Variants in EYS observed in about 807,000 individuals in gnomAD.
EYS encodes protein eyes shut homolog.
Under a neutral mutation model 282.1 loss-of-function variants are expected in EYS, and 250 were observed. That is an observed-to-expected ratio of 0.89 (90% CI 0.80 to 0.98). The LOEUF is 0.98. Ranked by LOEUF, EYS falls within the 50% of genes least tolerant of loss-of-function variation. EYS has a pLI of 0.00. For missense variants in EYS, 4,016 were observed against 3,709.0 expected (o/e 1.08, Z -2.15); for synonymous variants, 1,355 against 1,282.9 (o/e 1.06, Z -1.20).
intron 22 of EYS, among the ~76,000 whole-genome samples, chr6:64,761,985 G>A (rs1350054081): frequency 6.6e-6 from 1 of 152,120 alleles, no homozygotes; most frequent in Non-Finnish European, 1.5e-5. Flanking sequence ...GCACAGCAAA[G>A]TGACTATACT....
At chr6:65,447,423 TGA>T (rs1250683294) in intron 5 of EYS, among the ~76,000 whole-genome samples, 4 of 148,546 alleles carry the variant, frequency 2.7e-5, no homozygotes, top group Non-Finnish European at 6.0e-5. Flanking sequence ...TTTACTGTAC[TGA>T]GTCATAAATC....
chr6:64,107,271 GTATATATATATATTTATATATA>G (rs1281004595), intron 31 of EYS, among the ~76,000 whole-genome samples: 95 of 99,964 alleles, frequency 9.5e-4, no homozygotes, highest in South Asian at 5.9e-3. Flanking sequence ...GTGTGTGTGT[GTATATATATATATTTATATATA>G]TATATATATA....
intron 26 of EYS, among the ~76,000 whole-genome samples, chr6:64,498,452 TTATA>T (rs1223212012): frequency 6.6e-6 from 1 of 151,716 alleles, no homozygotes; most frequent in Non-Finnish European, 1.5e-5. Context: ...CTTTTAGCTC[TTATA>T]TACTCATTTT....
chr6:63,721,612 T>C lies in EYS; in HGVS notation c.8419A>G (p.Lys2807Glu). ...LDLDGINVTEKASTKMSSLDT... is the reference protein window; with the variant it reads ...LDLDGINVTEEASTKMSSLDT... ...AGAGAACTCATTTTAGTGGAGGCCT[T>C]TTCTGTTACATTTATCCCATCTAGA... Residue 2807 changes from lysine (K) to glutamate (E), a missense_variant, in exon 43 of 43, where the codon AAG (lysine) becomes GAG (glutamate). Lys to Glu is a moderately conservative substitution (Grantham distance 56, BLOSUM62 1). Transcript: ENST00000503581. The C allele has an allele frequency of 6.4e-7, 1 of 1,551,462 alleles. No homozygotes were observed.
chr6:65,632,434 C>T (rs778686420), intron 2 of EYS, among the ~76,000 whole-genome samples: 1 of 152,086 alleles, frequency 6.6e-6, no homozygotes, highest in East Asian at 1.9e-4. Flanking sequence ...GTAAGAAATC[C>T]GCACTTATAC....
At chr6:64,222,581 T>C (rs1197076021) in intron 31 of EYS, among the ~76,000 whole-genome samples, 1 of 152,072 alleles carries the variant, frequency 6.6e-6, no homozygotes, top group Non-Finnish European at 1.5e-5. Context: ...ACTATTTTAT[T>C]GTAAATAGTA....
chr6:63,826,845 C>CAAAAAAAAAAAAAAAAAAAGAAAAAAAAA (rs1771478105), intron 36 of EYS, among the ~76,000 whole-genome samples: 9 of 76,766 alleles, frequency 1.2e-4, no homozygotes, highest in Non-Finnish European at 1.5e-4. Context: ...AGTTAAAAAG[C>CAAAAAAAAAAAAAAAAAAAGAAAAAAAAA]AAAAAAAAAA....
chr6:65,627,320 T>C (rs1766738934), intron 2 of EYS, among the ~76,000 whole-genome samples: 1 of 152,086 alleles, frequency 6.6e-6, no homozygotes, highest in Non-Finnish European at 1.5e-5. Flanking sequence ...AAAGAGAATT[T>C]GTGATGGTTG....
intron 31 of EYS, among the ~76,000 whole-genome samples, chr6:64,147,024 A>G (rs1774541894): frequency 1.3e-5 from 2 of 152,174 alleles, no homozygotes; most frequent in Admixed American, 1.3e-4. Flanking sequence ...GCCAAAGATC[A>G]TTCACTTTCC....
chr6:64,181,827 G>A (rs555267284), intron 31 of EYS, among the ~76,000 whole-genome samples: 6 of 152,202 alleles, frequency 3.9e-5, no homozygotes, highest in African/African-American at 1.4e-4. Flanking sequence ...AAAATTAGCT[G>A]CTAAATAGGT....
At chr6:63,842,858 T>C (rs961267612) in intron 36 of EYS, among the ~76,000 whole-genome samples, 1 of 152,234 alleles carries the variant, frequency 6.6e-6, no homozygotes, top group African/African-American at 2.4e-5. Context: ...ATTTATTAAA[T>C]AGGGAATTTT....
At chr6:63,747,007 T>C (rs1562006875) in intron 41 of EYS, among the ~76,000 whole-genome samples, 1 of 152,206 alleles carries the variant, frequency 6.6e-6, no homozygotes, top group African/African-American at 2.4e-5. Context: ...CTTCTCCTGT[T>C]CTTTTAATTG....
chr6:65,644,466 A>G (rs1356934680), intron 1 of EYS, among the ~76,000 whole-genome samples: 1 of 152,204 alleles, frequency 6.6e-6, no homozygotes, highest in African/African-American at 2.4e-5. Context: ...GAAGAAGAGA[A>G]ATCAAAAAGT....
intron 26 of EYS, among the ~76,000 whole-genome samples, chr6:64,564,268 CTTTTTTTTT>C (rs4034161): frequency 1.0e-4 from 6 of 59,374 alleles, no homozygotes; most frequent in South Asian, 9.9e-4. Context: ...ATCTTTTGTC[CTTTTTTTTT>C]TTTTTTTTTT....
intron 41 of EYS, among the ~76,000 whole-genome samples, chr6:63,737,769 A>G (rs1768957884): frequency 6.6e-6 from 1 of 152,160 alleles, no homozygotes. Flanking sequence ...TCTGCACAGC[A>G]AAAGAAACTA....
intron 31 of EYS, among the ~76,000 whole-genome samples, chr6:64,178,798 G>A (rs1048697364): frequency 3.9e-5 from 6 of 152,006 alleles, no homozygotes; most frequent in Non-Finnish European, 7.4e-5. Flanking sequence ...TCCTGACACT[G>A]GTAGTTATTT....
chr6:65,636,199 A>G (rs1478167590), intron 2 of EYS, among the ~76,000 whole-genome samples: 1 of 152,242 alleles, frequency 6.6e-6, no homozygotes, highest in Non-Finnish European at 1.5e-5. Flanking sequence ...TCTCTGCGCA[A>G]AATTTTTCAA....
intron 8 of EYS, among the ~76,000 whole-genome samples, chr6:65,368,745 T>C (rs769772493): frequency 1.3e-5 from 2 of 151,738 alleles, no homozygotes; most frequent in Non-Finnish European, 2.9e-5. Context: ...AGTTTGAGGA[T>C]GCTGCTCTCT....
intron 19 of EYS, among the ~76,000 whole-genome samples, chr6:64,869,416 T>A (rs895059570): frequency 2.0e-5 from 3 of 151,400 alleles, no homozygotes; most frequent in Admixed American, 6.6e-5. Context: ...AGGGAAGAAC[T>A]AACAATCAAA....
Sources: gnomAD v4.1 joint callset for allele counts (sites outside exome capture counted in the v4.1 genomes callset) on GRCh38, gnomAD v4.1.1 for gene constraint, MANE v1.5 for transcripts, NCBI Gene and HGNC (gene_info 2026-07-23, HGNC 2026-07-21) for gene names.